The following ZNF362 variants were observed in gnomAD, a reference collection of about 807,000 sequenced individuals.
ZNF362 encodes the protein zinc finger protein 362.
A neutral mutation model predicts 42.9 loss-of-function variants in ZNF362; 11 were observed. That is an observed-to-expected ratio of 0.26 (90% CI 0.16 to 0.42). The LOEUF is 0.42. Ranked by LOEUF, ZNF362 falls within the 20% of genes least tolerant of loss-of-function variation. The pLI is 1.00. For synonymous variants in ZNF362, 255 were observed against 257.3 expected (o/e 0.99, Z 0.09); for missense variants, 362 against 576.2 (o/e 0.63, Z 3.81).
chr1:33,176,565 G>C, the ZNF362 span: 1 of 597,530 alleles, frequency 1.7e-6, no homozygotes, highest in East Asian at 2.8e-5. Context: ...CAGAGAGCCG[G>C]ATGCCACGTC....
chr1:33,144,753 G>A, the ZNF362 span, among the ~76,000 whole-genome samples: 1 of 152,082 alleles, frequency 6.6e-6, no homozygotes, highest in South Asian at 2.1e-4. Context: ...GTCAGAGGTG[G>A]GATGGACCTC....
intron 8 of ZNF362, among the ~76,000 whole-genome samples, chr1:33,295,916 A>C (rs1024204476): frequency 6.6e-6 from 1 of 152,208 alleles, no homozygotes; most frequent in Non-Finnish European, 1.5e-5. Context: ...CTCATCTGTC[A>C]AATGGATGAA....
chr1:33,194,131 T>C, the ZNF362 span, among the ~76,000 whole-genome samples: 2,375 of 152,176 alleles, frequency 0.016, 77 homozygotes, highest in African/African-American at 0.054. Flanking sequence ...AAAGAGTAGA[T>C]TAGACACAGA....
the ZNF362 span, chr1:33,145,997 A>G: frequency 2.2e-6 from 1 of 459,900 alleles, no homozygotes; most frequent in East Asian, 7.0e-5. Context: ...CAGGACATCT[A>G]TTGGCTGGCA....
the ZNF362 span, among the ~76,000 whole-genome samples, chr1:33,160,240 C>A: frequency 6.6e-6 from 1 of 152,018 alleles, no homozygotes; most frequent in East Asian, 1.9e-4. Flanking sequence ...GCCTCTTTGA[C>A]CCTGCTGTGT....
At chr1:33,177,090 A>C in the ZNF362 span, among the ~76,000 whole-genome samples, 113,017 of 150,850 alleles carry the variant, frequency 0.75, 42,270 homozygotes, top group Admixed American at 0.78. This position sits in a 1 kb window ranked among gnomAD's most constrained non-coding sequence, Gnocchi z 4.1. Context: ...TGCATGCACA[A>C]ATGCACACAC....
At chr1:33,193,530 A>G in the ZNF362 span, among the ~76,000 whole-genome samples, 1 of 152,242 alleles carries the variant, frequency 6.6e-6, no homozygotes, top group Admixed American at 6.5e-5. Context: ...AATAACCTGG[A>G]TAATTCACAT....
rs1217085104 is a variant in ZNF362, at chr1:33,270,638, C to CA, written c.38+27dup. On this transcript the variant is annotated intron_variant, in intron 2 of 8. Coordinates refer to ENST00000539719, the MANE Select transcript of ZNF362 (RefSeq NM_152493.3). ...GTAAGGAGCCTGTGATTCCAGGTTGCACTCTGTCAATGAGGGTTTGTTCTT... is the reference window on the plus strand; with the variant it reads ...GTAAGGAGCCTGTGATTCCAGGTTGCAACTCTGTCAATGAGGGTTTGTTCTT... The CA allele has an allele frequency of 3.1e-6, 5 of 1,610,126 alleles. No individual in the cohort carries two copies. The Admixed American group carries it at 8.5e-5, about 27-fold the overall frequency.
chr1:33,211,127 G>A, the ZNF362 span, among the ~76,000 whole-genome samples: 1 of 151,950 alleles, frequency 6.6e-6, no homozygotes, highest in African/African-American at 2.4e-5. Context: ...TAGAGATGGG[G>A]TTTCACCATG....
chr1:33,295,156 C>T lies in ZNF362; in HGVS notation c.997C>T (p.Arg333Cys). 1.9e-6 allele frequency: 3 copies of T among 1,614,086 alleles called. No homozygotes were observed. The highest frequency in any genetic ancestry group is 2.5e-6 in the Non-Finnish European group (3 of 1,180,002). The change falls in exon 8 of 9, where the codon CGC (arginine) becomes TGC (cysteine). Residue 333 changes from arginine to cysteine, a missense_variant. Arg to Cys is a radical substitution (Grantham distance 180). Around this residue, in one of 3 missense-constraint regions of ZNF362, gnomAD observed 28 missense variants for 103.4 expected, o/e 0.27. Coordinates refer to ENST00000539719, the MANE Select transcript of ZNF362 (RefSeq NM_152493.3). ...TGCTGTGCCCCTACAGTCTCACCAGCGCCAGCACAACAAGGACAAGCCCTA... is the reference window on the plus strand; with the variant it reads ...TGCTGTGCCCCTACAGTCTCACCAGTGCCAGCACAACAAGGACAAGCCCTA... ...TQLSNLQSHQ[R>C]QHNKDKPYKC...
chr1:33,151,897 G>A, the ZNF362 span, among the ~76,000 whole-genome samples: 1 of 152,246 alleles, frequency 6.6e-6, no homozygotes, highest in Non-Finnish European at 1.5e-5. Flanking sequence ...GCAGTGAGTG[G>A]ATTGTGTTTC....
At chr1:33,269,346 C>G (rs1212131049) in intron 1 of ZNF362, among the ~76,000 whole-genome samples, 2 of 152,190 alleles carry the variant, frequency 1.3e-5, no homozygotes, top group Non-Finnish European at 2.9e-5. Context: ...AGACAAAGAC[C>G]AAGATTGGCC....
chr1:33,174,474 G>A, the ZNF362 span, among the ~76,000 whole-genome samples: 11 of 152,138 alleles, frequency 7.2e-5, no homozygotes, highest in Non-Finnish European at 1.0e-4. Flanking sequence ...GTGAGCTACT[G>A]TGCCCAGCTA....
chr1:33,213,877 C>CA, the ZNF362 span, among the ~76,000 whole-genome samples: 382 of 149,912 alleles, frequency 2.5e-3, 4 homozygotes, highest in African/African-American at 8.7e-3. Context: ...CAAAACAAAA[C>CA]AAAAAAAACA....
intron 6 of ZNF362, among the ~76,000 whole-genome samples, chr1:33,290,391 ACTCAT>A (rs1450040061): frequency 6.6e-6 from 1 of 151,528 alleles, no homozygotes; most frequent in East Asian, 1.9e-4. Context: ...AAGGACATGA[ACTCAT>A]CATTTTTTAT....
the ZNF362 span, among the ~76,000 whole-genome samples, chr1:33,227,861 T>G: frequency 7.6e-5 from 1 of 13,140 alleles, no homozygotes; most frequent in South Asian, 2.1e-3. Flanking sequence ...GGAAGGGATC[T>G]TTTTTTTTTC....
the ZNF362 span, among the ~76,000 whole-genome samples, chr1:33,226,937 C>A: frequency 1.3e-5 from 2 of 152,120 alleles, no homozygotes; most frequent in Non-Finnish European, 2.9e-5. Flanking sequence ...AAACCACATA[C>A]TATATGGTTT....
the ZNF362 span, among the ~76,000 whole-genome samples, chr1:33,243,593 ATTTTC>A: frequency 6.8e-6 from 1 of 147,026 alleles, no homozygotes; most frequent in Non-Finnish European, 1.5e-5. Flanking sequence ...ACTTTTATGT[ATTTTC>A]TTTTCTTTTT....
At chr1:33,276,281 C>T in intron 3 of ZNF362, 67 bp from the exon 4 acceptor site, 1 of 1,552,536 alleles carries the variant, frequency 6.4e-7, no homozygotes, top group Non-Finnish European at 8.7e-7. Flanking sequence ...CGCGGGTGGA[C>T]CAGCGGGCCT....
Sources: gnomAD v4.1 joint callset for allele counts (sites outside exome capture counted in the v4.1 genomes callset) on GRCh38, gnomAD v4.1.1 for gene constraint, gnomAD v4.1.1 regional missense constraint, Gnocchi (gnomAD v3.1) non-coding constraint, MANE v1.5 for transcripts, NCBI Gene and HGNC (gene_info 2026-07-23, HGNC 2026-07-21) for gene names.